The following ARNT2 variants were observed in gnomAD, a reference collection of about 807,000 sequenced individuals.
The protein encoded by ARNT2 is aryl hydrocarbon receptor nuclear translocator 2, also known as ARNT protein 2.
A neutral mutation model predicts 91.7 loss-of-function variants in ARNT2; 36 were observed. The ratio of observed to expected loss-of-function variants is 0.39; its 90% CI spans 0.30 to 0.52. ARNT2 has a LOEUF of 0.52. ARNT2 is among the 20% of genes least tolerant of loss of function. The probability of loss-of-function intolerance (pLI) is 0.72; values close to 1 mark genes in which losing one functional copy is unlikely to be tolerated. For missense variants in ARNT2, 775 were observed against 939.3 expected (o/e 0.83, Z 2.29); for synonymous variants, 365 against 347.1 (o/e 1.05, Z -0.57).
chr15:80,447,482 C>T (rs1459015285), intron 1 of ARNT2, among the ~76,000 whole-genome samples: 3 of 152,234 alleles, frequency 2.0e-5, no homozygotes, highest in Admixed American at 1.3e-4. Context: ...TGCAGGGCTG[C>T]TCTTCATCTG....
chr15:80,539,555 T>C (rs981479535), intron 8 of ARNT2, among the ~76,000 whole-genome samples: 3 of 152,156 alleles, frequency 2.0e-5, no homozygotes, highest in African/African-American at 4.8e-5. Context: ...GGAATGCTCA[T>C]TGTTATTCAA....
intron 8 of ARNT2, among the ~76,000 whole-genome samples, chr15:80,546,006 G>T (rs981744205): frequency 3.9e-5 from 6 of 152,206 alleles, no homozygotes; most frequent in Admixed American, 3.9e-4. Flanking sequence ...TAAGACGTAG[G>T]TTTGGCTGCT....
At chr15:80,547,609 T>C (rs1332231053) in intron 8 of ARNT2, among the ~76,000 whole-genome samples, 1 of 152,220 alleles carries the variant, frequency 6.6e-6, no homozygotes, top group Non-Finnish European at 1.5e-5. Context: ...ATTTAGCAGA[T>C]ATTTTCTCAA....
At position 80,404,512 on chromosome 15, in the gene ARNT2, C is replaced by G. The variant is rs1363636344; in HGVS notation, c.-4C>G. 8.1e-6 allele frequency: 10 copies of G among 1,234,882 alleles called. No homozygotes were observed. Among genetic ancestry groups the G allele is most frequent in the Non-Finnish European group, 1.0e-5 (10 of 970,118 alleles). 76.5% of individuals were successfully genotyped at this position (1,234,882 alleles called of 1,614,324 possible). A position where few individuals can be genotyped will look rare whatever the true frequency, so the allele number is the denominator to read the frequency against. On this transcript the variant is annotated 5_prime_UTR_variant, in exon 1 of 19. Coordinates refer to ENST00000303329, the MANE Select transcript of ARNT2 (RefSeq NM_014862.4). This position sits in a 1 kb window ranked among gnomAD's most constrained non-coding sequence, Gnocchi z 5.5. The stretch of plus-strand genomic sequence containing the variant: ...CAAGCGGGCGCCTATCCTCTCCGAG[C>G]AAGATGGCAACCCCGGCGGCGGTCA...
chr15:80,429,007 G>A (rs1243767566), intron 1 of ARNT2, among the ~76,000 whole-genome samples: 7 of 152,108 alleles, frequency 4.6e-5, no homozygotes, highest in African/African-American at 1.7e-4. Flanking sequence ...AAAATAAAAG[G>A]CAGAAGAAAA....
At chr15:80,458,018 G>A (rs1896503932) in intron 3 of ARNT2, 42 bp downstream of exon 3, 1 of 1,577,264 alleles carries the variant, frequency 6.3e-7, no homozygotes, top group African/African-American at 1.3e-5. Flanking sequence ...GAAGGCAATA[G>A]CCAGCATTCA....
At chr15:80,564,594 T>C (rs915079460) in intron 12 of ARNT2, among the ~76,000 whole-genome samples, 3 of 152,150 alleles carry the variant, frequency 2.0e-5, no homozygotes, top group African/African-American at 7.2e-5. Context: ...TATTGCATGA[T>C]GCTGAGGCTT....
At position 80,405,902 on chromosome 15, in the gene ARNT2, GAC is replaced by G. The variant is rs202213489; in HGVS notation, c.31+1358_31+1359del. 4.1e-3 allele frequency among the ~76,000 whole-genome samples: 614 copies of G among 149,164 alleles called. 5 individuals carry two copies. Among genetic ancestry groups the G allele is most frequent in the African/African-American group, 0.015 (589 of 38,782 alleles). ...AAATAAAATAGAAAAGAGAGAGAGA[GAC>G]AGAGAGAGAGAGAGAGAGACCTCAA... On this transcript the variant is annotated intron_variant, in intron 1 of 18. Coordinates refer to ENST00000303329, the MANE Select transcript of ARNT2 (RefSeq NM_014862.4).
chr15:80,580,191 A>G, intron 15 of ARNT2: 5 of 586,336 alleles, frequency 8.5e-6, no homozygotes, highest in South Asian at 7.7e-5. Flanking sequence ...ACTACTAGAC[A>G]TGGCAGGACT....
intron 8 of ARNT2, among the ~76,000 whole-genome samples, chr15:80,535,953 G>C (rs1241512855): frequency 1.3e-5 from 2 of 152,156 alleles, no homozygotes; most frequent in Non-Finnish European, 2.9e-5. Context: ...AGGATTTGCT[G>C]TCCTACCTCC....
chr15:80,484,182 CA>C (rs60224399), intron 5 of ARNT2, among the ~76,000 whole-genome samples: 262 of 123,398 alleles, frequency 2.1e-3, no homozygotes, highest in Middle Eastern at 4.1e-3. Context: ...ATAAATGTGG[CA>C]AAAAAAAAAA....
chr15:80,461,139 G>A (rs948318079), intron 3 of ARNT2, among the ~76,000 whole-genome samples: 18 of 152,220 alleles, frequency 1.2e-4, no homozygotes, highest in African/African-American at 4.3e-4. Context: ...GAGGCTAACC[G>A]AAGACAGAGA....
chr15:80,455,714 G>A (rs1392511254), intron 2 of ARNT2, among the ~76,000 whole-genome samples: 3 of 152,076 alleles, frequency 2.0e-5, no homozygotes, highest in African/African-American at 7.2e-5. Flanking sequence ...ACACCCCGAA[G>A]ATCATGAAGG....
chr15:80,443,655 A>T (rs1733231874), intron 1 of ARNT2, among the ~76,000 whole-genome samples: 2 of 152,162 alleles, frequency 1.3e-5, no homozygotes, highest in Non-Finnish European at 2.9e-5. Flanking sequence ...GAGGAAGAAC[A>T]GGCAGAGGAG....
intron 1 of ARNT2, among the ~76,000 whole-genome samples, chr15:80,414,888 T>C (rs1895755748): frequency 6.6e-6 from 1 of 151,816 alleles, no homozygotes; most frequent in Non-Finnish European, 1.5e-5. Context: ...GGTGGTGGTG[T>C]GGTGGGGGTG....
At chr15:80,474,714 C>G (rs1481055320) in intron 4 of ARNT2, among the ~76,000 whole-genome samples, 1 of 152,170 alleles carries the variant, frequency 6.6e-6, no homozygotes, top group African/African-American at 2.4e-5. Flanking sequence ...AACCCAGTAC[C>G]TTCTGGTGAT....
intron 1 of ARNT2, among the ~76,000 whole-genome samples, chr15:80,445,711 T>A (rs1430279130): frequency 1.3e-5 from 2 of 151,934 alleles, no homozygotes; most frequent in Non-Finnish European, 2.9e-5. Context: ...CGGGTGGGCC[T>A]GACAGCTGAT....
At chr15:80,467,066 A>G (rs1896666056) in intron 3 of ARNT2, among the ~76,000 whole-genome samples, 1 of 152,248 alleles carries the variant, frequency 6.6e-6, no homozygotes, top group South Asian at 2.1e-4. Flanking sequence ...TCAGCCCTGC[A>G]TTGAAGCAGT....
chr15:80,590,639 G>T (rs1166246824), intron 17 of ARNT2, among the ~76,000 whole-genome samples: 1 of 152,222 alleles, frequency 6.6e-6, no homozygotes. Context: ...CTATGAGGGA[G>T]GCTGAGGCTG....
Sources: gnomAD v4.1 joint callset for allele counts (sites outside exome capture counted in the v4.1 genomes callset) on GRCh38, gnomAD v4.1.1 for gene constraint, Gnocchi (gnomAD v3.1) non-coding constraint, MANE v1.5 for transcripts, NCBI Gene and HGNC (gene_info 2026-07-23, HGNC 2026-07-21) for gene names.